Variants in BBX observed in about 807,000 individuals in gnomAD.
BBX encodes BBX high mobility group box domain containing.
BBX carries 30 observed loss-of-function variants against 100.2 expected under a neutral mutation model. The ratio of observed to expected loss-of-function variants is 0.30; its 90% CI spans 0.22 to 0.41. BBX has a LOEUF of 0.41. Among genes scored for constraint, BBX ranks in the 10% least tolerant of loss-of-function variants. BBX has a pLI of 1.00. For missense variants in BBX, 1,023 were observed against 1,129.8 expected (o/e 0.91, Z 1.35); for synonymous variants, 376 against 388.1 (o/e 0.97, Z 0.37).
intron 1 of BBX, 86 bp from the exon 2 acceptor site, chr3:107,526,241 C>T (rs1238550246): frequency 5.0e-6 from 2 of 398,250 alleles, no homozygotes; most frequent in Non-Finnish European, 8.8e-6. Flanking sequence ...TTGGTACCTT[C>T]TCTTCATAGA....
At chr3:107,572,250 C>G (rs1298484751) in intron 2 of BBX, among the ~76,000 whole-genome samples, 1 of 152,176 alleles carries the variant, frequency 6.6e-6, no homozygotes, top group South Asian at 2.1e-4. Context: ...GCTATATTCA[C>G]GTAATCCTTT....
At chr3:107,588,338 G>A (rs997853236) in intron 2 of BBX, among the ~76,000 whole-genome samples, 3 of 147,378 alleles carry the variant, frequency 2.0e-5, no homozygotes, top group Non-Finnish European at 3.0e-5. Flanking sequence ...ACAAAGTAAG[G>A]GGGGGCCTGG....
intron 3 of BBX, among the ~76,000 whole-genome samples, chr3:107,673,618 C>A (rs2059134005): frequency 6.6e-6 from 1 of 152,014 alleles, no homozygotes; most frequent in Admixed American, 6.6e-5. Context: ...TAAAAGTATG[C>A]CTCCTTACAA....
chr3:107,532,813 G>A (rs1442706630), intron 2 of BBX, among the ~76,000 whole-genome samples: 1 of 152,090 alleles, frequency 6.6e-6, no homozygotes, highest in African/African-American at 2.4e-5. Flanking sequence ...GGTTATATTT[G>A]CCAGGAACGT....
chr3:107,660,616 T>A (rs1308743089), intron 3 of BBX, among the ~76,000 whole-genome samples: 1 of 151,922 alleles, frequency 6.6e-6, no homozygotes, highest in Non-Finnish European at 1.5e-5. Context: ...GTTTAAAAAT[T>A]GCTGAACATG....
At chr3:107,657,253 C>T in intron 3 of BBX, 1 of 152,206 alleles carries the variant, frequency 6.6e-6, no homozygotes, top group Non-Finnish European at 1.5e-5. Flanking sequence ...AGGTTATACT[C>T]TGGATCTTGA....
intron 10 of BBX, among the ~76,000 whole-genome samples, chr3:107,765,919 A>G (rs1038024527): frequency 6.6e-6 from 1 of 152,238 alleles, no homozygotes; most frequent in African/African-American, 2.4e-5. Flanking sequence ...ATCAAAAATA[A>G]AAATTAAGGA....
At chr3:107,577,212 C>T (rs1029655816) in intron 2 of BBX, among the ~76,000 whole-genome samples, 13 of 152,170 alleles carry the variant, frequency 8.5e-5, no homozygotes, top group African/African-American at 3.1e-4. Flanking sequence ...AATTTGTTGC[C>T]ATGAATCTCA....
At chr3:107,753,180 C>G (rs1488145726) in intron 9 of BBX, among the ~76,000 whole-genome samples, 1 of 152,130 alleles carries the variant, frequency 6.6e-6, no homozygotes, top group African/African-American at 2.4e-5. Flanking sequence ...AGGAGTTTTT[C>G]TAAAGAAAGA....
intron 3 of BBX, among the ~76,000 whole-genome samples, chr3:107,700,293 G>A (rs1385731555): frequency 1.3e-5 from 2 of 151,608 alleles, no homozygotes; most frequent in Admixed American, 1.3e-4. Context: ...ACCTTTGAAA[G>A]AAAACAGAAG....
chr3:107,632,410 A>C (rs1559896375), intron 2 of BBX, among the ~76,000 whole-genome samples: 1 of 152,124 alleles, frequency 6.6e-6, no homozygotes. Context: ...CATATTTATT[A>C]GTACTTTTAG....
chr3:107,535,280 C>T (rs770494511), intron 2 of BBX, among the ~76,000 whole-genome samples: 18 of 152,108 alleles, frequency 1.2e-4, no homozygotes, highest in South Asian at 4.2e-4. Context: ...TCTTCATTTT[C>T]AAGTAATAAG....
chr3:107,663,749 A>G (rs2058588165), intron 3 of BBX, among the ~76,000 whole-genome samples: 1 of 151,682 alleles, frequency 6.6e-6, no homozygotes, highest in Non-Finnish European at 1.5e-5. Context: ...TGAAAATACC[A>G]TAGTTTATTT....
intron 2 of BBX, among the ~76,000 whole-genome samples, chr3:107,582,498 A>G (rs909710911): frequency 2.0e-5 from 3 of 152,080 alleles, no homozygotes; most frequent in African/African-American, 7.2e-5. Flanking sequence ...TATTGATACT[A>G]ATTTTAAGAC....
intron 2 of BBX, among the ~76,000 whole-genome samples, chr3:107,543,410 A>G (rs910623603): frequency 1.3e-5 from 2 of 152,202 alleles, no homozygotes; most frequent in Non-Finnish European, 2.9e-5. Flanking sequence ...TAGGTGAACA[A>G]TTTGTTTTTA....
intron 2 of BBX, among the ~76,000 whole-genome samples, chr3:107,635,033 A>G (rs1257195898): frequency 2.0e-5 from 3 of 152,202 alleles, no homozygotes; most frequent in Non-Finnish European, 4.4e-5. Flanking sequence ...AAGTAAGTTG[A>G]TATGAGGGAT....
chr3:107,607,189 T>C (rs994243139), intron 2 of BBX, among the ~76,000 whole-genome samples: 3 of 152,236 alleles, frequency 2.0e-5, no homozygotes, highest in South Asian at 2.1e-4. Flanking sequence ...CTCCATCTCC[T>C]GGGTTCAGGC....
At chr3:107,740,075 G>A (rs1313594567) in intron 7 of BBX, among the ~76,000 whole-genome samples, 1 of 151,902 alleles carries the variant, frequency 6.6e-6, no homozygotes, top group African/African-American at 2.4e-5. Context: ...CATGTATTCT[G>A]CTTGTGGGAG....
chr3:107,554,059 A>C (rs765270398), intron 2 of BBX, among the ~76,000 whole-genome samples: 4 of 152,160 alleles, frequency 2.6e-5, no homozygotes, highest in Non-Finnish European at 5.9e-5. Flanking sequence ...ACAATTCCTG[A>C]AGTTGATTAT....
Sources: gnomAD v4.1 joint callset for allele counts (sites outside exome capture counted in the v4.1 genomes callset) on GRCh38, gnomAD v4.1.1 for gene constraint, MANE v1.5 for transcripts, NCBI Gene and HGNC (gene_info 2026-07-23, HGNC 2026-07-21) for gene names.